TULP4: variants seen among roughly 807,000 people sequenced by gnomAD.
TULP4 encodes TUB like protein 4.
TULP4 carries 16 observed loss-of-function variants against 129.0 expected under a neutral mutation model. The ratio of observed to expected loss-of-function variants is 0.12; its 90% CI spans 0.08 to 0.19. The LOEUF (loss-of-function observed/expected upper bound fraction) is 0.19. Among genes scored for constraint, TULP4 ranks in the 10% least tolerant of loss-of-function variants. The probability of loss-of-function intolerance (pLI) is 1.00; values close to 1 mark genes in which losing one functional copy is unlikely to be tolerated. For synonymous variants in TULP4, 998 were observed against 854.0 expected (o/e 1.17, Z -2.94); for missense variants, 1,842 against 2,059.1 (o/e 0.89, Z 2.04).
chr6:158,297,969 G>T (rs529599822), intron 1 of TULP4, among the ~76,000 whole-genome samples: 14 of 152,116 alleles, frequency 9.2e-5, no homozygotes, highest in Non-Finnish European at 1.3e-4. Context: ...TTCCCAGAGC[G>T]GCCGTTTATA....
intron 13 of TULP4, among the ~76,000 whole-genome samples, chr6:158,506,222 CTTTTTTTTTTTTTTTTT>C (rs61292138): frequency 6.1e-4 from 34 of 55,500 alleles, no homozygotes; most frequent in Non-Finnish European, 9.3e-4. Flanking sequence ...TCGCCTTGTT[CTTTTTTTTTTTTTTTTT>C]TTTTTTTTTT....
intron 2 of TULP4, among the ~76,000 whole-genome samples, chr6:158,422,038 C>T (rs1454919645): frequency 6.6e-6 from 1 of 151,958 alleles, no homozygotes; most frequent in Non-Finnish European, 1.5e-5. Flanking sequence ...AAACTGTGAT[C>T]ATTGGTCAGA....
At chr6:158,410,028 G>C (rs1778058805) in intron 1 of TULP4, among the ~76,000 whole-genome samples, 1 of 152,094 alleles carries the variant, frequency 6.6e-6, no homozygotes, top group African/African-American at 2.4e-5. Flanking sequence ...GCTAGTTTTT[G>C]TATTTTTAGT....
chr6:158,270,355 A>C (rs1002092746), intron 1 of TULP4, among the ~76,000 whole-genome samples: 8 of 151,618 alleles, frequency 5.3e-5, no homozygotes, highest in Non-Finnish European at 1.5e-5. Flanking sequence ...GATTCTCTCA[A>C]CTCTGCTCCA....
intron 2 of TULP4, chr6:158,428,155 A>T (rs1778544908): frequency 1.3e-5 from 2 of 152,318 alleles, no homozygotes; most frequent in Admixed American, 1.3e-4. Flanking sequence ...TACTAGGACT[A>T]TTAAATTGAA....
intron 1 of TULP4, among the ~76,000 whole-genome samples, chr6:158,252,768 A>G (rs1486318525): frequency 1.3e-5 from 2 of 152,202 alleles, no homozygotes; most frequent in Non-Finnish European, 2.9e-5. Flanking sequence ...AGATTTTGCC[A>G]GTTTTTTCTT....
At chr6:158,329,906 CTTGT>C (rs1480120685) in intron 1 of TULP4, among the ~76,000 whole-genome samples, 2 of 152,068 alleles carry the variant, frequency 1.3e-5, no homozygotes, top group Non-Finnish European at 2.9e-5. Flanking sequence ...TAATGAAACA[CTTGT>C]TTAAGTGATC....
upstream of TULP4, among the ~76,000 whole-genome samples, chr6:158,309,914 GA>G (rs1282124670): frequency 7.8e-6 from 1 of 127,568 alleles, no homozygotes; most frequent in Non-Finnish European, 1.7e-5. Flanking sequence ...GGGAGAGGGA[GA>G]GGGGGAGGGG....
At chr6:158,443,363 C>G (rs369812163) in intron 3 of TULP4, among the ~76,000 whole-genome samples, 1 of 151,934 alleles carries the variant, frequency 6.6e-6, no homozygotes, top group Non-Finnish European at 1.5e-5. Context: ...ATGATCTGCC[C>G]GTCTTGGCCT....
chr6:158,385,359 G>C (rs1351464947), intron 1 of TULP4, among the ~76,000 whole-genome samples: 1 of 152,152 alleles, frequency 6.6e-6, no homozygotes, highest in African/African-American at 2.4e-5. Flanking sequence ...GTGCCCTTTA[G>C]TTAGGTTGTA....
chr6:158,275,187 C>T (rs769243654), intron 1 of TULP4, among the ~76,000 whole-genome samples: 14 of 152,342 alleles, frequency 9.2e-5, no homozygotes, highest in Non-Finnish European at 1.3e-4. Context: ...CTGGAGCCCA[C>T]GCGCTACAAG....
intron 1 of TULP4, among the ~76,000 whole-genome samples, chr6:158,337,604 A>G (rs1039588552): frequency 1.3e-5 from 2 of 152,206 alleles, no homozygotes; most frequent in Admixed American, 6.5e-5. Context: ...AGTGAGTACA[A>G]GAAGAAATAC....
intron 1 of TULP4, among the ~76,000 whole-genome samples, chr6:158,378,488 T>TGGGG (rs1777249040): frequency 5.0e-5 from 2 of 39,698 alleles, no homozygotes; most frequent in Non-Finnish European, 1.0e-4. Flanking sequence ...TTTTTTTTGG[T>TGGGG]GGGGGTGGGG....
At chr6:158,274,840 A>G (rs1778614877) in intron 1 of TULP4, among the ~76,000 whole-genome samples, 1 of 152,154 alleles carries the variant, frequency 6.6e-6, no homozygotes, top group African/African-American at 2.4e-5. Flanking sequence ...AATAAAATAT[A>G]AGCCCCTTTC....
At chr6:158,366,767 A>G (rs184140123) in intron 1 of TULP4, among the ~76,000 whole-genome samples, 4 of 152,314 alleles carry the variant, frequency 2.6e-5, no homozygotes, top group East Asian at 1.9e-4. Context: ...AGTGATACGT[A>G]AAACCTGAAC....
At chr6:158,436,271 A>G (rs1275102566) in intron 3 of TULP4, among the ~76,000 whole-genome samples, 2 of 152,020 alleles carry the variant, frequency 1.3e-5, no homozygotes, top group South Asian at 4.1e-4. Flanking sequence ...TCCACTTCCT[A>G]TGTTTCTATC....
chr6:158,387,825 C>G (rs1228149415), intron 1 of TULP4, among the ~76,000 whole-genome samples: 1 of 152,198 alleles, frequency 6.6e-6, no homozygotes, highest in Non-Finnish European at 1.5e-5. Flanking sequence ...GAAATGGAAG[C>G]TAAGTAGTGT....
chr6:158,488,477 C>T (rs141430454), intron 8 of TULP4, among the ~76,000 whole-genome samples: 87 of 152,272 alleles, frequency 5.7e-4, no homozygotes, highest in African/African-American at 1.9e-3. Flanking sequence ...GGCGACACAA[C>T]CTGGGGCCAG....
At chr6:158,404,264 C>T (rs1777923468) in intron 1 of TULP4, among the ~76,000 whole-genome samples, 1 of 152,158 alleles carries the variant, frequency 6.6e-6, no homozygotes, top group South Asian at 2.1e-4. Flanking sequence ...CTGACTTCTG[C>T]AGAAAGATGG....
Sources: allele counts gnomAD v4.1 joint callset (sites outside exome capture counted in the v4.1 genomes callset), GRCh38; gene constraint gnomAD v4.1.1; transcripts MANE v1.5; gene names NCBI Gene and HGNC (gene_info 2026-07-23, HGNC 2026-07-21).